STAB2: variants seen among roughly 807,000 people sequenced by gnomAD.
STAB2 encodes stabilin-2.
STAB2 carries 288 observed loss-of-function variants against 338.1 expected under a neutral mutation model. The observed-to-expected ratio is 0.85, with a 90% CI of 0.77 to 0.94. The LOEUF is 0.94. STAB2 is among the 40% of genes least tolerant of loss of function. The probability of loss-of-function intolerance (pLI) is 0.00; values close to 1 mark genes in which losing one functional copy is unlikely to be tolerated. For synonymous variants in STAB2, 1,202 were observed against 1,193.3 expected (o/e 1.01, Z -0.15); for missense variants, 3,141 against 3,210.1 (o/e 0.98, Z 0.52).
intron 3 of STAB2, among the ~76,000 whole-genome samples, chr12:103,607,240 T>C (rs150375795): frequency 2.5e-3 from 381 of 152,244 alleles, no homozygotes; most frequent in African/African-American, 8.7e-3. Context: ...TTTTTTCAAA[T>C]ACATTTTCTC....
intron 3 of STAB2, among the ~76,000 whole-genome samples, chr12:103,614,347 C>G (rs1206960824): frequency 6.6e-6 from 1 of 152,152 alleles, no homozygotes; most frequent in Non-Finnish European, 1.5e-5. Flanking sequence ...AATTTTAGCA[C>G]CTGGTGGATA....
intron 67 of STAB2, 183 bp from the exon 68 acceptor site, chr12:103,763,309 A>T: frequency 3.2e-6 from 2 of 623,176 alleles, no homozygotes; most frequent in Non-Finnish European, 5.8e-6. Flanking sequence ...CATCGGTAAG[A>T]TGTCACTGAG....
At chr12:103,619,268 A>C (rs1957260228) in intron 3 of STAB2, among the ~76,000 whole-genome samples, 1 of 152,066 alleles carries the variant, frequency 6.6e-6, no homozygotes, top group Admixed American at 6.6e-5. Flanking sequence ...TGGTCATTGC[A>C]TGGTTTCTGC....
rs1875707534 is a variant in STAB2, at chr12:103,670,813, T to C, written c.2371+6T>C. On this transcript the variant is annotated splice_donor_region_variant and intron_variant, in intron 22 of 68. Coordinates refer to ENST00000388887, the MANE Select transcript of STAB2 (RefSeq NM_017564.10). ...CGGACCTCGGTGTAACAAAAGTAAG[T>C]GGCACTTCCAGAGCTTCCTTCCACT... 6.2e-7 allele frequency: 1 copy of C among 1,610,536 alleles called. No homozygotes were observed. The highest frequency in any genetic ancestry group is 1.3e-5 in the African/African-American group (1 of 74,854).
At chr12:103,673,298 C>G (rs978882317) in intron 22 of STAB2, among the ~76,000 whole-genome samples, 4 of 152,046 alleles carry the variant, frequency 2.6e-5, no homozygotes, top group Admixed American at 2.0e-4. Flanking sequence ...TCCTCTTCCC[C>G]ACACCCCACA....
chr12:103,619,337 A>G (rs531417006), intron 3 of STAB2, among the ~76,000 whole-genome samples: 1 of 152,284 alleles, frequency 6.6e-6, no homozygotes, highest in Admixed American at 6.5e-5. Context: ...CATATTGGCA[A>G]TAAACCCAGG....
At position 103,695,659 on chromosome 12, in the gene STAB2, C is replaced by T; in HGVS notation, c.3474+11C>T. 1 of 1,614,148 alleles carries T rather than the reference C, an allele frequency of 6.2e-7. No homozygotes were observed. The highest frequency in any genetic ancestry group is 8.5e-7 in the Non-Finnish European group (1 of 1,179,992). On this transcript the variant is annotated intron_variant, in intron 32 of 68. Transcript: ENST00000388887. ...CGGGGCTACATCATTGCAAGTACCA[C>T]ATTCTCTGCCTGACCACCATGCTCA...
intron 34 of STAB2, among the ~76,000 whole-genome samples, 188 bp downstream of exon 34, chr12:103,699,415 T>C (rs1878674843): frequency 6.6e-6 from 1 of 152,162 alleles, no homozygotes; most frequent in African/African-American, 2.4e-5. Flanking sequence ...TCCCCGTGGC[T>C]GGGGAGGCCT....
intron 57 of STAB2, 120 bp downstream of exon 57, chr12:103,745,397 G>C: frequency 3.5e-6 from 3 of 868,184 alleles, no homozygotes; most frequent in Non-Finnish European, 5.2e-6. Flanking sequence ...GCAGGTCCAT[G>C]TGGTAAAAGA....
chr12:103,598,627 TA>T (rs1461362542), intron 3 of STAB2, among the ~76,000 whole-genome samples: 1 of 152,170 alleles, frequency 6.6e-6, no homozygotes. Flanking sequence ...AAGCAGGAAA[TA>T]AATTACACTT....
rs1174605904 is a variant in STAB2 at position 103,587,338 on chromosome 12, T to C, written c.-139T>C. ...AGGTCTCACCTATCTCCTGGTTCGA[T>C]CTAGGAAAAAGGAAAGGAAGGGATT... On this transcript the variant is annotated 5_prime_UTR_variant, in exon 1 of 69. Transcript: ENST00000388887. The C allele has an allele frequency of 1.4e-6, 1 of 734,706 alleles. No homozygotes were observed. Among genetic ancestry groups the C allele is most frequent in the African/African-American group, 1.8e-5 (1 of 56,140 alleles). 45.5% of individuals were successfully genotyped at this position (734,706 alleles called of 1,614,324 possible).
In STAB2 at chr12:103,703,134, C is replaced by A; in HGVS notation, c.3715-14C>A. 1.2e-6 allele frequency: 2 copies of A among 1,607,638 alleles called. No individual in the cohort carries two copies. The highest frequency in any genetic ancestry group is 1.7e-5 in the Admixed American group (1 of 58,634). ...AATGTCATAAAAAGTGACATTTAAC[C>A]CTGTTGTTCACAGCTCTATGTAAAT... On this transcript the variant is annotated splice_polypyrimidine_tract_variant and intron_variant, in intron 34 of 68. Transcript: ENST00000388887.
chr12:103,724,880 A>G, intron 44 of STAB2, 95 bp from the exon 45 acceptor site: 1 of 1,561,872 alleles, frequency 6.4e-7, no homozygotes, highest in African/African-American at 1.4e-5. Context: ...GAGACAAAAA[A>G]TGAATTCAAA....
chr12:103,722,796 T>A (rs1016379096), intron 44 of STAB2, among the ~76,000 whole-genome samples: 1 of 152,104 alleles, frequency 6.6e-6, no homozygotes, highest in Non-Finnish European at 1.5e-5. Context: ...CTGGGGAGTA[T>A]GATCTGATAG....
intron 39 of STAB2, among the ~76,000 whole-genome samples, chr12:103,709,349 CG>C (rs1366254544): frequency 6.6e-6 from 1 of 152,142 alleles, no homozygotes; most frequent in African/African-American, 2.4e-5. Context: ...GGGCAGGCGC[CG>C]GGCCGTGAAA....
intron 3 of STAB2, among the ~76,000 whole-genome samples, chr12:103,603,848 G>A (rs898385875): frequency 2.0e-5 from 3 of 152,104 alleles, no homozygotes; most frequent in East Asian, 1.9e-4. Context: ...TGTGCATAAC[G>A]ACCCCGTAGC....
chr12:103,691,883 G>A (rs944064638), intron 30 of STAB2, among the ~76,000 whole-genome samples: 3 of 125,336 alleles, frequency 2.4e-5, no homozygotes, highest in Non-Finnish European at 3.1e-5. Context: ...AAAGAGTAGA[G>A]TCCAGTTGGT....
chr12:103,708,521 G>C lies in STAB2; in HGVS notation c.4273G>C (p.Val1425Leu). ...TGACTGTGATGTTGGCTGGCGAGGA[G>C]TGCATTGTGACAATGGTAAGAGTGA... is the stretch of plus-strand genomic sequence containing the variant. The part of the protein sequence containing the change: ...SCDCDVGWRG[V>L]HCDNATTEDN... The change falls in exon 39 of 69, where the codon GTG (valine) becomes CTG (leucine). Residue 1425 changes from valine (V) to leucine (L), a missense_variant. Coordinates refer to ENST00000388887, the MANE Select transcript of STAB2 (RefSeq NM_017564.10). The C allele has an allele frequency of 6.2e-7, 1 of 1,614,044 alleles. No individual in the cohort carries two copies. The highest frequency in any genetic ancestry group is 8.5e-7 in the Non-Finnish European group (1 of 1,179,906).
chr12:103,737,038 C>G (rs940540642), intron 52 of STAB2, among the ~76,000 whole-genome samples: 2 of 152,298 alleles, frequency 1.3e-5, no homozygotes, highest in Non-Finnish European at 2.9e-5. Context: ...AAAGTTAAAG[C>G]CTGTCACTTG....
Sources: allele counts gnomAD v4.1 joint callset (sites outside exome capture counted in the v4.1 genomes callset), GRCh38; gene constraint gnomAD v4.1.1; transcripts MANE v1.5; gene names NCBI Gene and HGNC (gene_info 2026-07-23, HGNC 2026-07-21).